Variants in ENO3 observed in about 807,000 individuals in gnomAD.
ENO3 encodes the protein beta-enolase.
Under a neutral mutation model 47.7 loss-of-function variants are expected in ENO3, and 46 were observed. The ratio of observed to expected loss-of-function variants is 0.96; its 90% CI spans 0.76 to 1.23. ENO3 has a LOEUF of 1.23. Ranked by LOEUF, ENO3 falls within the 50% of genes most tolerant of loss-of-function variation. The pLI is 0.00. For missense variants in ENO3, 575 were observed against 566.2 expected (o/e 1.02, Z -0.16); for synonymous variants, 223 against 225.9 (o/e 0.99, Z 0.11).
chr17:4,953,433 C>G, intron 5 of ENO3, 92 bp downstream of exon 5: 1 of 1,570,146 alleles, frequency 6.4e-7, no homozygotes. Context: ...TTTCTGGGTC[C>G]CCCATTTTGG....
At chr17:4,954,010 C>CTG in intron 6 of ENO3, 165 bp downstream of exon 6, 1 of 1,052,062 alleles carries the variant, frequency 9.5e-7, no homozygotes, top group East Asian at 2.6e-5. Flanking sequence ...CTCTCTTCCA[C>CTG]AATCCAAACC....
rs556271331 is a variant in ENO3 at position 4,955,426 on chromosome 17, G to A, written c.687G>A (p.Thr229=). The A allele has an allele frequency of 3.3e-5, 54 of 1,614,238 alleles. No individual in the cohort carries two copies. Among genetic ancestry groups the A allele is most frequent in the South Asian group, 3.2e-4 (29 of 91,082 alleles). ...ENNEALELLK[T]AIQAAGYPDK... is the part of the protein sequence containing the mutation. ...CCCCAGCCCTGGAGCTGCTGAAGACGGCCATCCAGGCGGCTGGTTACCCAG... is the reference window on the plus strand; with the variant it reads ...CCCCAGCCCTGGAGCTGCTGAAGACAGCCATCCAGGCGGCTGGTTACCCAG... Residue 229 remains threonine, a synonymous_variant, in exon 8 of 12, where the codon ACG becomes ACA. Transcript: ENST00000519602.
At chr17:4,954,686 G>A (rs752467358) in intron 6 of ENO3, among the ~76,000 whole-genome samples, 11 of 152,100 alleles carry the variant, frequency 7.2e-5, no homozygotes, top group South Asian at 2.1e-4. Flanking sequence ...AGGCCGAGGC[G>A]GGCAGATCAC....
Position 4,953,060 on chromosome 17 carries a change from A to C in ENO3, c.191A>C (p.Lys64Thr). 1 of 1,614,242 alleles carries C rather than the reference A, an allele frequency of 6.2e-7. No homozygotes were observed. The highest frequency in any genetic ancestry group is 1.6e-4 in the Middle Eastern group (1 of 6,062). Residue 64 changes from lysine to threonine, a missense_variant, in exon 4 of 12, where the codon AAG becomes ACG. By Grantham distance (78) the Lys-to-Thr change is moderately conservative. Coordinates refer to ENST00000519602, the MANE Select transcript of ENO3 (RefSeq NM_053013.4). ...KGRYLGKGVLKAVENINNTLG... is the reference protein window; with the variant it reads ...KGRYLGKGVLTAVENINNTLG... ...CCTCTGGCCTGTCTAGGAGTCCTGAAGGCTGTGGAGAACATCAACAATACT... is the reference window on the plus strand; with the variant it reads ...CCTCTGGCCTGTCTAGGAGTCCTGACGGCTGTGGAGAACATCAACAATACT...
rs572178793 is a variant in ENO3, at chr17:4,956,357, C to T, written c.1067+214C>T. 14 of 732,076 alleles carry T rather than the reference C, an allele frequency of 1.9e-5. No individual in the cohort carries two copies. The South Asian group carries it at 2.4e-4, about 12-fold the overall frequency. The allele number at this position is 732,076 out of a possible 1,614,324, so 45.3% of individuals were successfully genotyped here. A position where few individuals can be genotyped will look rare whatever the true frequency, so the allele number is the denominator to read the frequency against. ...CTGTCATGACCCCCCACCCCCAGCC[C>T]ACACCATTCCTCTCTCAGATTCCGC... On this transcript the variant is annotated intron_variant, in intron 9 of 11. Transcript: ENST00000519602.
At position 4,955,615 on chromosome 17, in the gene ENO3, C is replaced by T. The variant is rs368063034; in HGVS notation, c.865+11C>T. On this transcript the variant is annotated intron_variant, in intron 8 of 11. Coordinates refer to ENST00000519602, the MANE Select transcript of ENO3 (RefSeq NM_053013.4). The stretch of plus-strand genomic sequence containing the variant: ...TCAAGAACTATCCTGGTGAGGCGTT[C>T]GGGTGTCCCAGTGTTCCTGCCCGAA... 3.3e-5 allele frequency: 53 copies of T among 1,614,028 alleles called. No individual in the cohort carries two copies. The highest frequency in any genetic ancestry group is 3.3e-4 in the Middle Eastern group (2 of 6,084).
intron 8 of ENO3, 80 bp from the exon 9 acceptor site, chr17:4,955,862 C>CTCTGCTCTGTCTCTGCCT: frequency 1.1e-5 from 3 of 284,386 alleles, no homozygotes; most frequent in Non-Finnish European, 1.8e-5. Context: ...TGTCTCTGCC[C>CTCTGCTCTGTCTCTGCCT]TGTCTCTGCT....
upstream of ENO3, chr17:4,950,753 C>T: frequency 1.1e-6 from 1 of 886,284 alleles, no homozygotes; most frequent in Non-Finnish European, 1.4e-6. Context: ...CAGGCCCCCT[C>T]CCCAGCCTTG....
Position 4,951,914 on chromosome 17 carries a change from G to A in ENO3, c.85G>A (p.Gly29Ser), listed in dbSNP as rs1812413624. 1 of 1,613,986 alleles carries A rather than the reference G, an allele frequency of 6.2e-7. No homozygotes were observed. Among genetic ancestry groups the A allele is most frequent in the African/African-American group, 1.3e-5 (1 of 74,920 alleles). Residue 29 changes from glycine to serine, a missense_variant and splice_region_variant, in exon 2 of 12, where the codon GGC becomes AGC. Transcript: ENST00000519602. ...TVEVDLHTAKGRFRAAVPSGA... is the reference protein window; with the variant it reads ...TVEVDLHTAKSRFRAAVPSGA... ...GGAGGTGGACCTGCACACGGCCAAG[G>A]GTAACACAAGGCCCATTGGATAGGC... is the stretch of plus-strand genomic sequence containing the variant.
intron 1 of ENO3, 151 bp from the exon 2 acceptor site, chr17:4,951,677 C>T (rs748393375): frequency 1.5e-5 from 12 of 795,224 alleles, no homozygotes; most frequent in Non-Finnish European, 2.1e-5. Flanking sequence ...GAGGGGGCTG[C>T]GCCTGCCTCT....
At chr17:4,950,667 T>C, upstream of ENO3, 1 of 984,946 alleles carries the variant, frequency 1.0e-6, no homozygotes. Flanking sequence ...GGGGGTCCCG[T>C]CCTTTCCCCC....
chr17:4,953,491 T>A, intron 5 of ENO3, 150 bp downstream of exon 5: 1 of 1,375,438 alleles, frequency 7.3e-7, no homozygotes. Context: ...AGGCATTTCC[T>A]ATGCCTGCCT....
At chr17:4,955,015 CT>C (rs1971673028) in intron 6 of ENO3, 59 bp from the exon 7 acceptor site, 6 of 1,543,812 alleles carry the variant, frequency 3.9e-6, no homozygotes, top group African/African-American at 2.7e-5. Flanking sequence ...CCCCCCGCCC[CT>C]GTCCCTTCTT....
upstream of ENO3, among the ~76,000 whole-genome samples, chr17:4,949,689 C>T (rs970754652): frequency 1.8e-4 from 28 of 152,142 alleles, no homozygotes; most frequent in Non-Finnish European, 1.0e-4. Context: ...GGCTGGGCGG[C>T]TTCCGGAGCC....
intron 9 of ENO3, 122 bp downstream of exon 9, chr17:4,956,265 C>T: frequency 8.4e-7 from 1 of 1,194,346 alleles, no homozygotes; most frequent in Non-Finnish European, 1.2e-6. Flanking sequence ...GACTTACCCA[C>T]ACCTTGATCT....
At position 4,953,779 on chromosome 17, in the gene ENO3, G is replaced by C. The variant is rs762986013; in HGVS notation, c.378G>C (p.Lys126Asn). 5 of 1,614,072 alleles carry C rather than the reference G, an allele frequency of 3.1e-6. No individual in the cohort carries two copies. In the African/African-American group the frequency reaches 6.7e-5, roughly 22 times the overall value. The change falls in exon 6 of 12, where the codon AAG (lysine) becomes AAC (asparagine). Residue 126 changes from lysine to asparagine, a missense_variant. Lys to Asn is a moderately conservative substitution (Grantham distance 94). Transcript: ENST00000519602. ...TGTGTAAGGCGGGAGCAGCTGAGAA[G>C]GGGGTCCCCCTGTACCGCCACATCG... is the stretch of plus-strand genomic sequence containing the variant. ...LAVCKAGAAEKGVPLYRHIAD... is the reference protein window; with the variant it reads ...LAVCKAGAAENGVPLYRHIAD...
At chr17:4,951,024 A>T, upstream of ENO3, 8 of 986,034 alleles carry the variant, frequency 8.1e-6, no homozygotes, top group Non-Finnish European at 9.6e-6. Context: ...CTGCCAGCCC[A>T]GTGTGAAGGG....
At chr17:4,951,959 C>A (rs763018129) in intron 2 of ENO3, 45 bp downstream of exon 2, 1 of 1,604,256 alleles carries the variant, frequency 6.2e-7, no homozygotes, top group South Asian at 1.1e-5. Context: ...AAGACCCCAA[C>A]CCTTTGGCCT....
chr17:4,954,613 T>C (rs1273179966), intron 6 of ENO3, among the ~76,000 whole-genome samples: 1 of 152,184 alleles, frequency 6.6e-6, no homozygotes, highest in Non-Finnish European at 1.5e-5. Flanking sequence ...ATCCCCATTT[T>C]ACAGAAATGA....
Sources: gnomAD v4.1 joint callset for allele counts (sites outside exome capture counted in the v4.1 genomes callset) on GRCh38, gnomAD v4.1.1 for gene constraint, MANE v1.5 for transcripts, NCBI Gene and HGNC (gene_info 2026-07-23, HGNC 2026-07-21) for gene names.